Variants in HEATR5A observed in about 807,000 individuals in gnomAD.
The protein encoded by HEATR5A is HEAT repeat containing 5A, also known as HEAT repeat-containing protein 5A.
HEATR5A carries 178 observed loss-of-function variants against 218.8 expected under a neutral mutation model. The observed-to-expected ratio is 0.81, with a 90% CI of 0.72 to 0.92. The LOEUF is 0.92. Ranked by LOEUF, HEATR5A falls within the 40% of genes least tolerant of loss-of-function variation. HEATR5A has a pLI of 0.00. For synonymous variants in HEATR5A, 864 were observed against 871.6 expected (o/e 0.99, Z 0.15); for missense variants, 2,420 against 2,418.9 (o/e 1.00, Z -0.01).
intron 22 of HEATR5A, chr14:31,334,401 T>A: frequency 2.2e-6 from 1 of 456,056 alleles, no homozygotes; most frequent in Non-Finnish European, 4.4e-6. Context: ...GAAAGGATTA[T>A]CATTCTAGAT....
intron 35 of HEATR5A, 87 bp downstream of exon 35, chr14:31,293,804 T>C: frequency 8.6e-7 from 1 of 1,160,450 alleles, no homozygotes; most frequent in Middle Eastern, 1.9e-4. Flanking sequence ...AATACAGATA[T>C]AATGTGACTG....
Position 31,345,163 on chromosome 14 carries a change from AG to A in HEATR5A, c.2981del (p.Pro994LeufsTer14). The A allele has an allele frequency of 4.3e-6, 7 of 1,614,000 alleles. No individual in the cohort carries two copies. Among genetic ancestry groups the A allele is most frequent in the Non-Finnish European group, 5.9e-6 (7 of 1,179,880 alleles). On this transcript the variant is annotated frameshift_variant, in exon 20 of 36. Coordinates refer to ENST00000543095, the MANE Select transcript of HEATR5A (RefSeq NM_015473.4). LOFTEE classifies it high-confidence loss of function. ...GGCTTTGGTGAACTTCAGCATGAGTAGGAGGCACATTTAACAACAACATTAT... is the reference window on the plus strand; with the variant it reads ...GGCTTTGGTGAACTTCAGCATGAGTAGAGGCACATTTAACAACAACATTAT... ...LIIMLLLNVP[P>X]THAEVHQSLG...
At chr14:31,324,065 C>T (rs1245598009) in intron 23 of HEATR5A, among the ~76,000 whole-genome samples, 1 of 151,892 alleles carries the variant, frequency 6.6e-6, no homozygotes, top group Non-Finnish European at 1.5e-5. Flanking sequence ...AAGTAAAAAA[C>T]AAACACAATA....
At chr14:31,362,606 CAAA>C (rs71115003) in intron 14 of HEATR5A, among the ~76,000 whole-genome samples, 55 of 44,752 alleles carry the variant, frequency 1.2e-3, no homozygotes, top group Middle Eastern at 0.025. Context: ...CTACAAATGA[CAAA>C]AAAAAAAAAA....
chr14:31,406,654 T>C (rs2139314583), intron 1 of HEATR5A, among the ~76,000 whole-genome samples: 1 of 152,102 alleles, frequency 6.6e-6, no homozygotes, highest in East Asian at 1.9e-4. Flanking sequence ...CCAATCAAGC[T>C]CCTCAAAAAT....
Position 31,318,257 on chromosome 14 carries a change from C to T in HEATR5A, c.4005G>A (p.Glu1335=). 6.2e-7 allele frequency: 1 copy of T among 1,613,926 alleles called. No individual in the cohort carries two copies. Among genetic ancestry groups the T allele is most frequent in the Non-Finnish European group, 8.5e-7 (1 of 1,179,818 alleles). Residue 1335 remains glutamate (E), a synonymous_variant, in exon 26 of 36, where the codon GAG becomes GAA. Transcript: ENST00000543095. ...GAALRPAFTS[E]TPPDVTAKAC... is the part of the protein sequence containing the mutation. ...CTTTGGCAGTGACATCAGGTGGTGT[C>T]TCTGAAGTGAAGGCTGGTCTAAGCG...
At chr14:31,392,300 T>C (rs773910249) in intron 6 of HEATR5A, among the ~76,000 whole-genome samples, 1 of 152,110 alleles carries the variant, frequency 6.6e-6, no homozygotes, top group Non-Finnish European at 1.5e-5. Flanking sequence ...TATGATGCAA[T>C]GTATCTGGCA....
chr14:31,359,129 G>A lies in HEATR5A; in HGVS notation c.2072-72C>T, dbSNP rs1420490025. Reference sequence around the variant, plus strand: ...TGAGAGTATGGGATTTAAAACTCAGGTTGAGCTTTAATGCACCCACTGGCC... The same window carrying A: ...TGAGAGTATGGGATTTAAAACTCAGATTGAGCTTTAATGCACCCACTGGCC... On this transcript the variant is annotated intron_variant, in intron 14 of 35. Coordinates refer to ENST00000543095, the MANE Select transcript of HEATR5A (RefSeq NM_015473.4). 8 of 1,458,576 alleles carry A rather than the reference G, an allele frequency of 5.5e-6. No individual in the cohort carries two copies. In the Admixed American group the frequency reaches 7.1e-5, roughly 13 times the overall value. 90.4% of individuals were successfully genotyped at this position (1,458,576 alleles called of 1,614,324 possible). A position where few individuals can be genotyped will look rare whatever the true frequency, so the allele number is the denominator to read the frequency against.
chr14:31,349,646 CT>C (rs1425320464), intron 18 of HEATR5A, 142 bp downstream of exon 18: 1 of 605,794 alleles, frequency 1.7e-6, no homozygotes, highest in Non-Finnish European at 2.9e-6. Flanking sequence ...TTTTTATTTT[CT>C]TTCCTTTAGC....
At chr14:31,335,627 T>C (rs908369455) in intron 22 of HEATR5A, among the ~76,000 whole-genome samples, 1 of 152,186 alleles carries the variant, frequency 6.6e-6, no homozygotes, top group Non-Finnish European at 1.5e-5. Context: ...AAAAGTATGA[T>C]GGTACTTTGA....
chr14:31,400,635 T>A (rs2030835608), intron 2 of HEATR5A, 123 bp from the exon 3 acceptor site: 1 of 651,826 alleles, frequency 1.5e-6, no homozygotes, highest in Non-Finnish European at 2.5e-6. Context: ...AAACTTACTT[T>A]GACTGGAAGT....
At chr14:31,383,913 A>G (rs182485071) in intron 9 of HEATR5A, 142 bp from the exon 10 acceptor site, 1 of 635,756 alleles carries the variant, frequency 1.6e-6, no homozygotes, top group African/African-American at 1.8e-5. Context: ...ACATAATTAC[A>G]AATAATTTTC....
chr14:31,321,662 T>C lies in HEATR5A; in HGVS notation c.3806A>G (p.His1269Arg), dbSNP rs1325724248. ...AGCCATGCGAATTAAGTCAGCAAGATGCAGTACCAAAAAGTCATCTATAAG... is the reference window on the plus strand; with the variant it reads ...AGCCATGCGAATTAAGTCAGCAAGACGCAGTACCAAAAAGTCATCTATAAG... ...RDSRNDFLVL[H>R]LADLIRMAFM... Residue 1269 changes from histidine to arginine, a missense_variant, in exon 25 of 36, where the codon CAT becomes CGT. His to Arg is a conservative substitution (Grantham distance 29). Transcript: ENST00000543095. 6.2e-7 allele frequency: 1 copy of C among 1,601,628 alleles called. No homozygotes were observed. The highest frequency in any genetic ancestry group is 8.5e-7 in the Non-Finnish European group (1 of 1,174,856).
intron 16 of HEATR5A, among the ~76,000 whole-genome samples, chr14:31,358,191 GGA>G (rs1901492839): frequency 6.6e-6 from 1 of 152,042 alleles, no homozygotes; most frequent in Admixed American, 6.6e-5. Context: ...AAAAGGTTGG[GGA>G]CCACTGGTCT....
chr14:31,350,242 CA>C (rs550499801), intron 17 of HEATR5A, among the ~76,000 whole-genome samples: 117 of 152,156 alleles, frequency 7.7e-4, no homozygotes, highest in South Asian at 5.0e-3. Context: ...AGAACATTAA[CA>C]GAGATGTCCA....
At chr14:31,386,353 G>T in intron 9 of HEATR5A, 67 bp downstream of exon 9, 1 of 1,245,460 alleles carries the variant, frequency 8.0e-7, no homozygotes, top group Non-Finnish European at 1.1e-6. Context: ...GCTATATGAA[G>T]ATTTCCTTCC....
rs1175859789 is a variant in HEATR5A, at chr14:31,383,535, G to A, written c.1582C>T (p.His528Tyr). The change falls in exon 10 of 36, where the codon CAT (histidine) becomes TAT (tyrosine). Residue 528 changes from histidine (H) to tyrosine (Y), a missense_variant. His to Tyr is a moderately conservative substitution (Grantham distance 83). Transcript: ENST00000543095. ...AVKHCPLGIPHGKGKIIMTLA... is the reference protein window; with the variant it reads ...AVKHCPLGIPYGKGKIIMTLA... ...GAAATCATTACCTTGCCTTTTCCAT[G>A]AGGAATTCCTAAAGGACAATGTTTT... 1 of 1,611,738 alleles carries A rather than the reference G, an allele frequency of 6.2e-7. No homozygotes were observed. Among genetic ancestry groups the A allele is most frequent in the Non-Finnish European group, 8.5e-7 (1 of 1,178,138 alleles).
At chr14:31,320,480 C>A in intron 25 of HEATR5A, 2 of 1,360,434 alleles carry the variant, frequency 1.5e-6, no homozygotes, top group Non-Finnish European at 2.1e-6. Flanking sequence ...CTGGAACTCC[C>A]GTCTGGCCAC....
At position 31,307,896 on chromosome 14, in the gene HEATR5A, A is replaced by G. The variant is rs1899606772; in HGVS notation, c.4815T>C (p.Asp1605=). 3.7e-6 allele frequency: 6 copies of G among 1,611,290 alleles called. No individual in the cohort carries two copies. Among genetic ancestry groups the G allele is most frequent in the Non-Finnish European group, 5.1e-6 (6 of 1,179,290 alleles). The change falls in exon 30 of 36, where the codon GAT becomes GAC. Residue 1605 remains aspartate (D), a synonymous_variant. Transcript: ENST00000543095. ...VPWPRSKIGS[D]QDLGIELLNV... The stretch of plus-strand genomic sequence containing the variant: ...AAAAAAACCCCAGATAAATCACCTG[A>G]TCACTGCCAATTTTTGATCTGGGCC...
Sources: allele counts gnomAD v4.1 joint callset (sites outside exome capture counted in the v4.1 genomes callset), GRCh38; gene constraint gnomAD v4.1.1; transcripts MANE v1.5; gene names NCBI Gene and HGNC (gene_info 2026-07-23, HGNC 2026-07-21).